The following PNPLA8 variants were observed in gnomAD, a reference collection of about 807,000 sequenced individuals.
The protein encoded by PNPLA8 is calcium-independent phospholipase A2-gamma.
A neutral mutation model predicts 76.9 loss-of-function variants in PNPLA8; 39 were observed. The observed-to-expected ratio is 0.51, with a 90% CI of 0.39 to 0.66. The LOEUF is 0.66. PNPLA8 is among the 30% of genes least tolerant of loss of function. The probability of loss-of-function intolerance (pLI) is 0.00; values close to 1 mark genes in which losing one functional copy is unlikely to be tolerated. For missense variants in PNPLA8, 887 were observed against 918.0 expected (o/e 0.97, Z 0.44); for synonymous variants, 301 against 307.9 (o/e 0.98, Z 0.24).
intron 10 of PNPLA8, among the ~76,000 whole-genome samples, chr7:108,476,978 TG>T (rs1451889829): frequency 1.3e-5 from 2 of 152,128 alleles, no homozygotes; most frequent in Non-Finnish European, 2.9e-5. Context: ...TGCCAGACAC[TG>T]GGGAGTAGGG....
chr7:108,516,507 T>C (rs755969059), intron 2 of PNPLA8, among the ~76,000 whole-genome samples: 16 of 152,122 alleles, frequency 1.1e-4, no homozygotes, highest in Non-Finnish European at 2.2e-4. Context: ...GAATATAACA[T>C]AGGAGAAAAC....
Position 108,496,591 on chromosome 7 carries a change from T to C in PNPLA8, c.1618A>G (p.Ile540Val). The part of the protein sequence containing the change: ...AFYDSQTWEN[I>V]LKDRMGSALM... ...AGAGTAATTGTAACTTACTTAAGAA[T>C]GTTTTCCCATGTTTGACTGTCATAA... The change falls in exon 7 of 11, where the codon ATT becomes GTT. Residue 540 changes from isoleucine (I) to valine (V), a missense_variant. Ile to Val is a conservative substitution (Grantham distance 29). Coordinates refer to ENST00000257694, the MANE Select transcript of PNPLA8 (RefSeq NM_001256007.3). 3 of 1,591,544 alleles carry C rather than the reference T, an allele frequency of 1.9e-6. No homozygotes were observed. The highest frequency in any genetic ancestry group is 2.6e-6 in the Non-Finnish European group (3 of 1,170,330).
At chr7:108,478,998 T>C (rs1860193768) in intron 10 of PNPLA8, among the ~76,000 whole-genome samples, 186 bp downstream of exon 10, 2 of 152,228 alleles carry the variant, frequency 1.3e-5, no homozygotes, top group Admixed American at 6.5e-5. Flanking sequence ...AAACAGTCTC[T>C]GTTCTAGAGT....
Position 108,487,872 on chromosome 7 carries a change from T to C in PNPLA8, c.1765A>G (p.Ile589Val), listed in dbSNP as rs1341937469. Residue 589 changes from isoleucine (I) to valine (V), a missense_variant, in exon 9 of 11, where the codon ATC (isoleucine) becomes GTC (valine). Ile to Val is a conservative substitution (Grantham distance 29). Transcript: ENST00000257694. ...VFRNYGHFPG[I>V]NSHYLGGCQY... ...CAGCCTCCCAAATAATGAGAGTTGA[T>C]TCCAGGAAAATGACCATAGTTTCTG... 4 of 1,613,422 alleles carry C rather than the reference T, an allele frequency of 2.5e-6. No homozygotes were observed. The East Asian group carries it at 6.7e-5, about 27-fold the overall frequency.
At chr7:108,495,329 A>C (rs147135994) in intron 7 of PNPLA8, among the ~76,000 whole-genome samples, 3,133 of 152,312 alleles carry the variant, frequency 0.021, 43 homozygotes, top group African/African-American at 0.028. Flanking sequence ...GTTAAATAAA[A>C]AACAGTATAT....
intron 9 of PNPLA8, among the ~76,000 whole-genome samples, chr7:108,482,568 T>C (rs1173396579): frequency 6.6e-6 from 1 of 152,236 alleles, no homozygotes; most frequent in East Asian, 1.9e-4. Context: ...AAAGTCCTAC[T>C]AGAGTTTTGA....
intron 8 of PNPLA8, 152 bp downstream of exon 8, chr7:108,491,258 G>C (rs1204342454): frequency 1.4e-5 from 8 of 558,040 alleles, no homozygotes; most frequent in Non-Finnish European, 2.5e-5. Context: ...GGTGAGCCGA[G>C]ATCGTGCTAT....
At chr7:108,503,352 A>G (rs933600045) in intron 4 of PNPLA8, among the ~76,000 whole-genome samples, 22 of 152,190 alleles carry the variant, frequency 1.4e-4, no homozygotes, top group Admixed American at 1.4e-3. Context: ...TGGCAGCTAT[A>G]ATTCTGCTGT....
chr7:108,475,435 C>A (rs1367473560), intron 10 of PNPLA8, among the ~76,000 whole-genome samples: 1 of 152,024 alleles, frequency 6.6e-6, no homozygotes, highest in African/African-American at 2.4e-5. Flanking sequence ...ATTTTACAGT[C>A]AGCTTGTTAA....
intron 9 of PNPLA8, among the ~76,000 whole-genome samples, chr7:108,483,653 TGAAAA>T (rs1277241048): frequency 1.3e-5 from 2 of 152,246 alleles, no homozygotes; most frequent in Non-Finnish European, 2.9e-5. Flanking sequence ...ATTCACCAGT[TGAAAA>T]GAACTATTTT....
At position 108,502,628 on chromosome 7, in the gene PNPLA8, T is replaced by C. The variant is rs1355854460; in HGVS notation, c.1221A>G (p.Pro407=). The change falls in exon 5 of 11, where the codon CCA becomes CCG. Residue 407 remains proline (P), a synonymous_variant. Transcript: ENST00000257694. ...KGVAVKERII[P]YLLRLRQIKD... ...TAATTTGTCTCAGTCGTAATAAATA[T>C]GGAATAATTCTTTCCTATATTGAGA... is the stretch of plus-strand genomic sequence containing the variant. 2.3e-5 allele frequency: 37 copies of C among 1,608,714 alleles called. No homozygotes were observed. Among genetic ancestry groups the C allele is most frequent in the Non-Finnish European group, 2.8e-5 (33 of 1,176,274 alleles).
In PNPLA8 at chr7:108,496,604, T is replaced by C; in HGVS notation, c.1605A>G (p.Gln535=). ...MSWSHAFYDS[Q]TWENILKDRM... is the part of the protein sequence containing the mutation. ...CTTACTTAAGAATGTTTTCCCATGT[T>C]TGACTGTCATAAAATGCATGGCTCC... Residue 535 remains glutamine (Q), a synonymous_variant, in exon 7 of 11, where the codon CAA becomes CAG. Transcript: ENST00000257694. 1 of 1,600,664 alleles carries C rather than the reference T, an allele frequency of 6.2e-7. No individual in the cohort carries two copies. Among genetic ancestry groups the C allele is most frequent in the South Asian group, 1.1e-5 (1 of 88,414 alleles).
At chr7:108,502,221 T>A (rs1483891324) in intron 5 of PNPLA8, among the ~76,000 whole-genome samples, 2 of 151,790 alleles carry the variant, frequency 1.3e-5, no homozygotes, top group African/African-American at 2.4e-5. Context: ...GGCAGGCAGA[T>A]CACCTGGCGT....
At chr7:108,481,009 A>G (rs1860355250) in intron 9 of PNPLA8, among the ~76,000 whole-genome samples, 1 of 152,174 alleles carries the variant, frequency 6.6e-6, no homozygotes, top group Admixed American at 6.5e-5. Flanking sequence ...TCTCTTTCTG[A>G]GCATGTCATC....
intron 4 of PNPLA8, chr7:108,510,987 A>G (rs1862877911): frequency 1.4e-6 from 2 of 1,476,232 alleles, no homozygotes; most frequent in Non-Finnish European, 1.9e-6. Flanking sequence ...GGTGTCTACC[A>G]TGACTATTTC....
At chr7:108,520,034 C>G (rs1205153302) in intron 2 of PNPLA8, among the ~76,000 whole-genome samples, 1 of 152,200 alleles carries the variant, frequency 6.6e-6, no homozygotes, top group Non-Finnish European at 1.5e-5. Flanking sequence ...CATTCACCAT[C>G]TTTCCTTCCC....
chr7:108,499,576 G>A (rs969901380), intron 5 of PNPLA8, among the ~76,000 whole-genome samples: 2 of 152,118 alleles, frequency 1.3e-5, no homozygotes, highest in South Asian at 4.1e-4. Context: ...TTTGTTTTGC[G>A]GGGCTGTCCT....
intron 10 of PNPLA8, 97 bp downstream of exon 10, chr7:108,479,087 A>ATATC: frequency 1.3e-6 from 1 of 744,510 alleles, no homozygotes; most frequent in South Asian, 1.7e-5. Context: ...CAATACAGAC[A>ATATC]TATCATATGC....
intron 4 of PNPLA8, chr7:108,510,793 G>A: frequency 6.2e-7 from 1 of 1,601,354 alleles, no homozygotes; most frequent in African/African-American, 1.3e-5. Context: ...TCTGCATGGA[G>A]GATCTGATTC....
Sources: allele counts gnomAD v4.1 joint callset (sites outside exome capture counted in the v4.1 genomes callset), GRCh38; gene constraint gnomAD v4.1.1; transcripts MANE v1.5; gene names NCBI Gene and HGNC (gene_info 2026-07-23, HGNC 2026-07-21).